The following PRKCZ variants were observed in gnomAD, a reference collection of about 807,000 sequenced individuals.
PRKCZ encodes protein kinase C zeta type.
In PRKCZ, 33 loss-of-function variants were observed where a neutral mutation model predicts 79.5. The observed-to-expected ratio is 0.41, with a 90% CI of 0.31 to 0.55. The LOEUF is 0.55. PRKCZ is among the 20% of genes least tolerant of loss of function. The pLI, the probability that PRKCZ is intolerant of heterozygous loss-of-function variation, is 0.19. For synonymous variants in PRKCZ, 342 were observed against 320.9 expected, an observed-to-expected ratio of 1.07 and a Z score of -0.70; for missense variants, 578 against 813.5, an observed-to-expected ratio of 0.71 and a Z score of 3.52.
intron 6 of PRKCZ, 150 bp downstream of exon 6, chr1:2,144,491 G>C (rs895180880): frequency 2.3e-4 from 330 of 1,449,704 alleles, no homozygotes; most frequent in Non-Finnish European, 2.9e-4. Context: ...TGAGACTCAG[G>C]CGGCAGTCTT....
At chr1:2,137,044 T>A (rs1036382073) in intron 5 of PRKCZ, among the ~76,000 whole-genome samples, 2 of 152,118 alleles carry the variant, frequency 1.3e-5, no homozygotes, top group Non-Finnish European at 2.9e-5. Context: ...AAGCCAGCAG[T>A]GGCTCACTCC....
upstream of PRKCZ, among the ~76,000 whole-genome samples, chr1:2,048,940 T>G (rs1224495732): frequency 1.3e-5 from 2 of 152,046 alleles, no homozygotes; most frequent in Non-Finnish European, 2.9e-5. Flanking sequence ...CCAAGGCAGG[T>G]GGATCACCTG....
chr1:2,114,340 G>A (rs1042705902), intron 4 of PRKCZ, among the ~76,000 whole-genome samples: 5 of 151,982 alleles, frequency 3.3e-5, no homozygotes, highest in African/African-American at 4.8e-5. Context: ...TATTTTGTTG[G>A]ACAAAAAAGG....
chr1:2,171,793 T>C (rs1166012282), intron 11 of PRKCZ: 1 of 478,906 alleles, frequency 2.1e-6, no homozygotes, highest in South Asian at 2.8e-5. Flanking sequence ...ATTTGCCCGC[T>C]CCTCCCCTTG....
chr1:2,119,699 T>TG (rs1286130538), intron 4 of PRKCZ, among the ~76,000 whole-genome samples: 2 of 152,222 alleles, frequency 1.3e-5, no homozygotes. Flanking sequence ...GGCGCTTACA[T>TG]GGAGACCAGC....
chr1:2,101,795 G>A (rs1476477240), intron 4 of PRKCZ, among the ~76,000 whole-genome samples: 1 of 152,240 alleles, frequency 6.6e-6, no homozygotes, highest in East Asian at 1.9e-4. Flanking sequence ...GCAAAGATGT[G>A]TGGCAGAGGC....
Position 2,185,177 on chromosome 1 carries a change from G to GTCCC in PRKCZ, c.*171_*174dup. ...AGCGGGCGCTGCTGGGAGCAGAACA[G>GTCCC]TCCCTCACACCTGGGCCCGGGCAGG... On this transcript the variant is annotated 3_prime_UTR_variant, in exon 18 of 18. Transcript: ENST00000378567. 4.1e-6 allele frequency: 3 copies of GTCCC among 732,188 alleles called. No individual in the cohort carries two copies. The Admixed American group carries it at 6.1e-5, about 15-fold the overall frequency. 45.4% of individuals were successfully genotyped at this position (732,188 alleles called of 1,614,324 possible). A position where few individuals can be genotyped will look rare whatever the true frequency, so the allele number is the denominator to read the frequency against.
At chr1:2,108,670 C>T (rs1226496729) in intron 4 of PRKCZ, among the ~76,000 whole-genome samples, 1 of 152,220 alleles carries the variant, frequency 6.6e-6, no homozygotes, top group East Asian at 1.9e-4. Flanking sequence ...GAGAAGCAGG[C>T]CCCGAGTCCC....
At position 2,150,847 on chromosome 1, in the gene PRKCZ, C is replaced by T. The variant is rs138484066; in HGVS notation, c.745C>T (p.Leu249=). 29 of 1,614,076 alleles carry T rather than the reference C, an allele frequency of 1.8e-5. No homozygotes were observed. In the African/African-American group the frequency reaches 3.5e-4, roughly 19 times the overall value. Residue 249 remains leucine (L), a synonymous_variant, in exon 9 of 18, where the codon CTG becomes TTG. Coordinates refer to ENST00000378567, the MANE Select transcript of PRKCZ (RefSeq NM_002744.6). ...DGIKISQGLG[L]QDFDLIRVIG... ...AATCAAAATCTCTCAGGGGCTTGGG[C>T]TGCAGGACTTTGACCTAATCAGAGT...
Position 2,174,069 on chromosome 1 carries a change from C to T in PRKCZ, c.1405+53C>T. ...CCTCACCTGCACGACTGTCTTCCTT[C>T]CTTTTCAAAGGTGCAGGTGGAGGGG... On this transcript the variant is annotated intron_variant, in intron 14 of 17. Transcript: ENST00000378567. The surrounding 1 kb of genome is among the most constrained non-coding windows in gnomAD (Gnocchi z 6.2). 1.3e-6 allele frequency: 2 copies of T among 1,525,078 alleles called. No homozygotes were observed. Among genetic ancestry groups the T allele is most frequent in the Admixed American group, 2.0e-5 (1 of 50,808 alleles). The allele number at this position is 1,525,078 out of a possible 1,614,324, so 94.5% of individuals were successfully genotyped here.
chr1:2,110,615 C>T (rs918891484), intron 4 of PRKCZ, among the ~76,000 whole-genome samples: 16 of 152,290 alleles, frequency 1.1e-4, no homozygotes, highest in Admixed American at 7.8e-4. Flanking sequence ...ACTGGGCCCT[C>T]GACACCCTTG....
chr1:2,129,491 G>A (rs1388108088), intron 4 of PRKCZ, among the ~76,000 whole-genome samples: 1 of 152,234 alleles, frequency 6.6e-6, no homozygotes, highest in East Asian at 1.9e-4. Flanking sequence ...GGTGACACGT[G>A]GGCTCCAGGA....
At chr1:2,102,552 T>C (rs188288313) in intron 4 of PRKCZ, among the ~76,000 whole-genome samples, 88 of 152,212 alleles carry the variant, frequency 5.8e-4, no homozygotes, top group Non-Finnish European at 8.1e-4. Context: ...CGGGATGGTC[T>C]CGATCTCCTG....
At chr1:2,097,089 G>A (rs1666658700) in intron 4 of PRKCZ, among the ~76,000 whole-genome samples, 1 of 152,210 alleles carries the variant, frequency 6.6e-6, no homozygotes, top group Non-Finnish European at 1.5e-5. Flanking sequence ...AGGCTTCATC[G>A]CCTGCACAGG....
chr1:2,132,181 C>G (rs1165996229), intron 4 of PRKCZ, among the ~76,000 whole-genome samples: 2 of 152,164 alleles, frequency 1.3e-5, no homozygotes, highest in African/African-American at 2.4e-5. Context: ...TTCTGTCACC[C>G]TAGGGTTTGA....
At position 2,050,459 on chromosome 1, in the gene PRKCZ, C is replaced by T. The variant is rs1269264539; in HGVS notation, c.-172C>T. On this transcript the variant is annotated 5_prime_UTR_variant, in exon 1 of 18. Transcript: ENST00000378567. ...CGCCGGACGGTCCCGCCCCGCGCGC[C>T]CCCCGCTCCCGCCCCGCGCGCCGCC... The T allele has an allele frequency of 1.3e-5, 3 of 235,644 alleles. No homozygotes were observed. The highest frequency in any genetic ancestry group is 5.8e-5 in the Admixed American group (1 of 17,220). 14.6% of individuals were successfully genotyped at this position (235,644 alleles called of 1,614,324 possible).
chr1:2,102,472 A>T (rs546997555), intron 4 of PRKCZ, among the ~76,000 whole-genome samples: 52 of 151,570 alleles, frequency 3.4e-4, no homozygotes, highest in African/African-American at 1.1e-3. Context: ...AGCTGGGAGT[A>T]CAGGCGCCCA....
Position 2,107,547 on chromosome 1 carries a change from G to A in PRKCZ, c.335-27715G>A, listed in dbSNP as rs187221859. Reference sequence around the variant, plus strand: ...TTACTTTTGTGCTGGGGCTTTTTTGGGATCAGTTCCTAGAAGTAGGGGACT... The same window carrying A: ...TTACTTTTGTGCTGGGGCTTTTTTGAGATCAGTTCCTAGAAGTAGGGGACT... On this transcript the variant is annotated intron_variant, in intron 4 of 17. Transcript: ENST00000378567. Among the ~76,000 whole-genome samples, 222 of 152,292 alleles carry A rather than the reference G, an allele frequency of 1.5e-3. 1 individual carries two copies. The highest frequency in any genetic ancestry group is 2.3e-3 in the Non-Finnish European group (155 of 68,026).
intron 16 of PRKCZ, among the ~76,000 whole-genome samples, chr1:2,180,906 C>T (rs993510334): frequency 6.6e-5 from 10 of 152,170 alleles, no homozygotes; most frequent in Non-Finnish European, 1.5e-5. Context: ...CTCATCATTG[C>T]CAAGAACTGG....
Sources: gnomAD v4.1 joint callset for allele counts (sites outside exome capture counted in the v4.1 genomes callset) on GRCh38, gnomAD v4.1.1 for gene constraint, Gnocchi (gnomAD v3.1) non-coding constraint, MANE v1.5 for transcripts, NCBI Gene and HGNC (gene_info 2026-07-23, HGNC 2026-07-21) for gene names.